Variants in TMX2 observed in about 807,000 individuals in gnomAD.
The protein encoded by TMX2 is thioredoxin related transmembrane protein 2, also known as thioredoxin-related transmembrane protein 2.
TMX2 carries 20 observed loss-of-function variants against 33.4 expected under a neutral mutation model. The observed-to-expected ratio is 0.60, with a 90% CI of 0.42 to 0.87. TMX2 has a LOEUF of 0.87. Ranked by LOEUF, TMX2 falls within the 40% of genes least tolerant of loss-of-function variation. The pLI, the probability that TMX2 is intolerant of heterozygous loss-of-function variation, is 0.00. For missense variants in TMX2, 340 were observed against 370.7 expected, an observed-to-expected ratio of 0.92 and a Z score of 0.68; for synonymous variants, 166 against 140.7, an observed-to-expected ratio of 1.18 and a Z score of -1.27.
chr11:57,715,586 C>CTTTTTTTTTTTTTTTTTTTTTTTTTTTT (rs367827761), intron 1 of TMX2, among the ~76,000 whole-genome samples: 1 of 130,120 alleles, frequency 7.7e-6, no homozygotes, highest in Non-Finnish European at 1.6e-5. Context: ...AATTTGTTTT[C>CTTTTTTTTTTTTTTTTTTTTTTTTTTTT]TTTTTTTTTT....
At chr11:57,731,583 G>T (rs1223887358) in intron 1 of TMX2, among the ~76,000 whole-genome samples, 1 of 151,822 alleles carries the variant, frequency 6.6e-6, no homozygotes, top group Non-Finnish European at 1.5e-5. Flanking sequence ...ACAGGCCATG[G>T]TCACTCATAC....
chr11:57,729,136 C>G (rs1237827175), intron 1 of TMX2, among the ~76,000 whole-genome samples: 1 of 151,382 alleles, frequency 6.6e-6, no homozygotes. Context: ...AAAAAAAAGG[C>G]GAGAAACAAA....
chr11:57,738,048 C>CTT (rs751575175), intron 3 of TMX2, 22 bp downstream of exon 3: 514 of 1,289,766 alleles, frequency 4.0e-4, no homozygotes, highest in East Asian at 5.7e-4. Context: ...GCCTTTCTTT[C>CTT]TTTTTTTTTT....
chr11:57,715,960 GAA>G (rs1229726024), intron 1 of TMX2, among the ~76,000 whole-genome samples: 9 of 152,304 alleles, frequency 5.9e-5, no homozygotes, highest in Admixed American at 1.3e-4. Flanking sequence ...AGAACAAAAT[GAA>G]AAGTTTCCCG....
intron 1 of TMX2, among the ~76,000 whole-genome samples, chr11:57,715,203 C>T (rs1008152318): frequency 9.2e-5 from 14 of 151,970 alleles, no homozygotes; most frequent in Admixed American, 9.2e-4. Context: ...AGTTCGAGAC[C>T]AGCCTGGCCA....
intron 1 of TMX2, among the ~76,000 whole-genome samples, chr11:57,723,000 A>C (rs1947737011): frequency 6.6e-6 from 1 of 152,142 alleles, no homozygotes; most frequent in Non-Finnish European, 1.5e-5. Flanking sequence ...AATCACAGCT[A>C]CTTGGGAGGC....
rs978087508 is a variant in TMX2 at position 57,718,383 on chromosome 11, A to G, written c.189+5576A>G. On this transcript the variant is annotated intron_variant, in intron 1 of 7. Coordinates refer to ENST00000278422, the MANE Select transcript of TMX2 (RefSeq NM_015959.4). ...CCTGGAATAATTCTGTGAAAGCAGGAACTCTTACAACCAAATCCTTTTTGT... is the reference window on the plus strand; with the variant it reads ...CCTGGAATAATTCTGTGAAAGCAGGGACTCTTACAACCAAATCCTTTTTGT... The G allele has an allele frequency of 1.5e-5, 22 of 1,453,902 alleles. 1 individual carries two copies. The Middle Eastern group carries it at 3.3e-3, about 218-fold the overall frequency. The allele number at this position is 1,453,902 out of a possible 1,614,324, so 90.1% of individuals were successfully genotyped here. A position where few individuals can be genotyped will look rare whatever the true frequency, so the allele number is the denominator to read the frequency against.
intron 1 of TMX2, among the ~76,000 whole-genome samples, chr11:57,729,656 G>A (rs1005330282): frequency 1.3e-5 from 2 of 151,966 alleles, no homozygotes; most frequent in East Asian, 3.9e-4. Flanking sequence ...AGCTGCCTAG[G>A]GTAGGATTTT....
At chr11:57,731,206 T>TCA (rs1377213072) in intron 1 of TMX2, among the ~76,000 whole-genome samples, 1 of 133,116 alleles carries the variant, frequency 7.5e-6, no homozygotes, top group Non-Finnish European at 1.6e-5. Flanking sequence ...CAATTTCCAC[T>TCA]CACTGCAACA....
Position 57,735,277 on chromosome 11 carries a change from C to T in TMX2, c.190-2331C>T, listed in dbSNP as rs186449924. Among the ~76,000 whole-genome samples the T allele has an allele frequency of 3.1e-3, 467 of 151,544 alleles. 3 individuals carry two copies. The highest frequency in any genetic ancestry group is 5.2e-3 in the Admixed American group (79 of 15,234). On this transcript the variant is annotated intron_variant, in intron 1 of 7. Transcript: ENST00000278422. ...AGGCTGGAGTGCAGTGGCACGATCT[C>T]GGCTCACTGCAACCTCCGCCTCCCG... is the stretch of plus-strand genomic sequence containing the variant.
chr11:57,715,849 T>C (rs565219889), intron 1 of TMX2, among the ~76,000 whole-genome samples: 1 of 151,650 alleles, frequency 6.6e-6, no homozygotes, highest in South Asian at 2.1e-4. Flanking sequence ...CCTTAATCCA[T>C]TTAACCCTGA....
At chr11:57,735,870 A>C (rs534178730) in intron 1 of TMX2, among the ~76,000 whole-genome samples, 1 of 152,336 alleles carries the variant, frequency 6.6e-6, no homozygotes, top group East Asian at 1.9e-4. Flanking sequence ...GGCCAGATCC[A>C]CTGCATGGTC....
At chr11:57,737,813 C>G in intron 2 of TMX2, 100 bp from the exon 3 acceptor site, 2 of 1,608,972 alleles carry the variant, frequency 1.2e-6, no homozygotes, top group South Asian at 1.1e-5. Flanking sequence ...ACTTCTATCC[C>G]CTCCCTGTCT....
At chr11:57,735,979 A>C (rs1948729983) in intron 1 of TMX2, among the ~76,000 whole-genome samples, 1 of 152,188 alleles carries the variant, frequency 6.6e-6, no homozygotes, top group Non-Finnish European at 1.5e-5. Context: ...AGGTGGAGCA[A>C]GTCTTTTCAG....
chr11:57,735,371 G>A (rs1565231616), intron 1 of TMX2, among the ~76,000 whole-genome samples: 1 of 151,894 alleles, frequency 6.6e-6, no homozygotes, highest in Non-Finnish European at 1.5e-5. Context: ...ACCGTGCCTG[G>A]CTAATTTTTT....
At chr11:57,719,961 T>A (rs1308102466) in intron 1 of TMX2, among the ~76,000 whole-genome samples, 3 of 152,088 alleles carry the variant, frequency 2.0e-5, no homozygotes, top group Non-Finnish European at 2.9e-5. Flanking sequence ...ATGGGACTTC[T>A]GACAACCCTG....
At chr11:57,734,714 C>T (rs1948633086) in intron 1 of TMX2, among the ~76,000 whole-genome samples, 1 of 151,856 alleles carries the variant, frequency 6.6e-6, no homozygotes, top group East Asian at 1.9e-4. Flanking sequence ...TGGCATTGCA[C>T]TCCAGCCTGG....
chr11:57,738,837 CTTTTCT>C (rs1948908984), intron 5 of TMX2, 67 bp downstream of exon 5: 4 of 1,564,866 alleles, frequency 2.6e-6, no homozygotes, highest in Non-Finnish European at 3.5e-6. Flanking sequence ...CTGTTTTTGG[CTTTTCT>C]TTTTCTTTTG....
intron 2 of TMX2, 25 bp downstream of exon 2, chr11:57,737,693 TCA>T (rs761306140): frequency 1.9e-6 from 3 of 1,609,984 alleles, no homozygotes; most frequent in Non-Finnish European, 1.7e-6. Context: ...CTTCTCAGAC[TCA>T]AGGTTAGATC....
Sources: allele counts gnomAD v4.1 joint callset (sites outside exome capture counted in the v4.1 genomes callset), GRCh38; gene constraint gnomAD v4.1.1; transcripts MANE v1.5; gene names NCBI Gene and HGNC (gene_info 2026-07-23, HGNC 2026-07-21).